Variants in DNAJB6 observed in about 807,000 individuals in gnomAD.
DNAJB6 encodes the protein dnaJ homolog subfamily B member 6.
DNAJB6 carries 16 observed loss-of-function variants against 42.7 expected under a neutral mutation model. The observed-to-expected ratio is 0.37, with a 90% CI of 0.25 to 0.57. The LOEUF is 0.57. Ranked by LOEUF, DNAJB6 falls within the 20% of genes least tolerant of loss-of-function variation. The pLI, the probability that DNAJB6 is intolerant of heterozygous loss-of-function variation, is 0.74. For missense variants in DNAJB6, 347 were observed against 416.8 expected (o/e 0.83, Z 1.46); for synonymous variants, 170 against 163.5 (o/e 1.04, Z -0.30).
chr7:157,349,884 C>T (rs181027317), intron 1 of DNAJB6, among the ~76,000 whole-genome samples: 3 of 152,272 alleles, frequency 2.0e-5, no homozygotes, highest in Admixed American at 2.0e-4. Flanking sequence ...CTCAGGTGAT[C>T]TGTCCGCCTC....
chr7:157,373,237 C>T (rs865923267), intron 5 of DNAJB6, among the ~76,000 whole-genome samples: 1 of 152,334 alleles, frequency 6.6e-6, no homozygotes, highest in Middle Eastern at 3.4e-3. Context: ...ATGATTCAAC[C>T]ACTTTAACAT....
chr7:157,395,084 AC>A (rs1346958381), intron 8 of DNAJB6, among the ~76,000 whole-genome samples: 6 of 149,554 alleles, frequency 4.0e-5, no homozygotes, highest in African/African-American at 1.3e-4. Flanking sequence ...ACAGAGCAAG[AC>A]CCTGTGCCCG....
intron 3 of DNAJB6, 51 bp downstream of exon 3, chr7:157,363,321 G>A (rs533773492): frequency 5.5e-6 from 7 of 1,275,606 alleles, no homozygotes; most frequent in South Asian, 1.3e-5. Context: ...GCCGGAATGC[G>A]GAGTGGGTGT....
At chr7:157,400,373 T>TACGCACTTGTAC (rs1554467481) in intron 8 of DNAJB6, among the ~76,000 whole-genome samples, 2 of 110,660 alleles carry the variant, frequency 1.8e-5, no homozygotes, top group African/African-American at 3.6e-5. Flanking sequence ...CACGCTCGTG[T>TACGCACTTGTAC]GTGGTGTGCC....
At position 157,363,058 on chromosome 7, in the gene DNAJB6, G is replaced by C. The variant is rs1799682360; in HGVS notation, c.66-103G>C. 23 of 699,044 alleles carry C rather than the reference G, an allele frequency of 3.3e-5. 1 individual carries two copies. In the East Asian group the frequency reaches 6.7e-4, roughly 20 times the overall value. 43.3% of individuals were successfully genotyped at this position (699,044 alleles called of 1,614,324 possible). ...GTTAAAACCAGTATTCATCTCACCA[G>C]TTGGCAGCTCTGAAGCCATTCTCGT... On this transcript the variant is annotated intron_variant, in intron 2 of 9. Coordinates refer to ENST00000262177, the MANE Select transcript of DNAJB6 (RefSeq NM_058246.4).
At chr7:157,348,785 C>T (rs541327112) in intron 1 of DNAJB6, among the ~76,000 whole-genome samples, 3 of 152,234 alleles carry the variant, frequency 2.0e-5, no homozygotes, top group African/African-American at 7.2e-5. Context: ...TGACTCCCTC[C>T]CCTCCCTCTT....
intron 1 of DNAJB6, among the ~76,000 whole-genome samples, chr7:157,345,854 C>G (rs1798656690): frequency 1.3e-5 from 2 of 152,068 alleles, no homozygotes; most frequent in African/African-American, 4.8e-5. Flanking sequence ...TGTGAGTGAT[C>G]TGCTGTAGAA....
chr7:157,359,691 T>G (rs1799481849), intron 2 of DNAJB6, among the ~76,000 whole-genome samples: 2 of 152,148 alleles, frequency 1.3e-5, no homozygotes, highest in African/African-American at 4.8e-5. Flanking sequence ...TGGTGGCACA[T>G]GCCTGTAGTC....
chr7:157,415,890 A>C, intron 9 of DNAJB6, 126 bp from the exon 10 acceptor site: 1 of 1,553,818 alleles, frequency 6.4e-7, no homozygotes, highest in Admixed American at 1.8e-5. Context: ...AGCTGTGGCC[A>C]AGATAGATGA....
intron 8 of DNAJB6, among the ~76,000 whole-genome samples, chr7:157,408,784 A>G (rs923995647): frequency 5.9e-5 from 9 of 152,228 alleles, no homozygotes; most frequent in Non-Finnish European, 8.8e-5. Flanking sequence ...ATGCATTTCA[A>G]TGGCTGAGTG....
intron 1 of DNAJB6, among the ~76,000 whole-genome samples, chr7:157,352,184 C>G (rs1480080385): frequency 6.6e-6 from 1 of 151,860 alleles, no homozygotes; most frequent in Non-Finnish European, 1.5e-5. Flanking sequence ...GAAAAATTAG[C>G]TAGGCGTGGT....
chr7:157,380,075 A>G (rs914022818), intron 5 of DNAJB6: 3 of 152,116 alleles, frequency 2.0e-5, no homozygotes, highest in South Asian at 2.1e-4. Context: ...CGGCCTCCCA[A>G]AGTACTGGGA....
chr7:157,388,453 CTG>C (rs1563141141), intron 8 of DNAJB6, among the ~76,000 whole-genome samples: 1 of 152,162 alleles, frequency 6.6e-6, no homozygotes, highest in African/African-American at 2.4e-5. Flanking sequence ...TTGAGCGCCT[CTG>C]AAAATAGGAA....
chr7:157,396,360 G>A (rs943985797), intron 8 of DNAJB6, among the ~76,000 whole-genome samples: 2 of 152,226 alleles, frequency 1.3e-5, no homozygotes, highest in Admixed American at 6.5e-5. Flanking sequence ...TCTTGAGGAC[G>A]CTTAGATGCC....
intron 2 of DNAJB6, 54 bp downstream of exon 2, chr7:157,358,691 T>G (rs1799431370): frequency 2.1e-6 from 3 of 1,396,240 alleles, no homozygotes; most frequent in Non-Finnish European, 2.0e-6. Flanking sequence ...CATTGGTAAT[T>G]GAGTAGTATA....
intron 9 of DNAJB6, chr7:157,415,149 C>A (rs1314630638): frequency 6.6e-6 from 1 of 152,308 alleles, no homozygotes; most frequent in Non-Finnish European, 1.5e-5. Context: ...CGGCCATGTT[C>A]CCTCTGCCCA....
intron 5 of DNAJB6, among the ~76,000 whole-genome samples, chr7:157,373,203 C>CT (rs978231017): frequency 1.3e-5 from 2 of 152,200 alleles, no homozygotes; most frequent in African/African-American, 4.8e-5. Context: ...GATTAGGACT[C>CT]TAATTTAATC....
rs773534306 is a variant in DNAJB6, at chr7:157,416,219, C to T, written c.*121C>T. The T allele has an allele frequency of 7.1e-5, 104 of 1,457,206 alleles. No homozygotes were observed. The highest frequency in any genetic ancestry group is 5.5e-4 in the East Asian group (22 of 40,214). The allele number at this position is 1,457,206 out of a possible 1,614,324, so 90.3% of individuals were successfully genotyped here. On this transcript the variant is annotated 3_prime_UTR_variant, in exon 10 of 10. Coordinates refer to ENST00000262177, the MANE Select transcript of DNAJB6 (RefSeq NM_058246.4). ...GGACTGTCTCGAGGCCACACTCGCT[C>T]GGCAGGATTATGCGATCACGGATCA...
rs1350865764 is a variant in DNAJB6 at position 157,360,604 on chromosome 7, T to TA, written c.65+1968dup. Among the ~76,000 whole-genome samples, 6 of 152,310 alleles carry TA rather than the reference T, an allele frequency of 3.9e-5. No individual in the cohort carries two copies. In the East Asian group the frequency reaches 9.6e-4, roughly 24 times the overall value. On this transcript the variant is annotated intron_variant, in intron 2 of 9. Transcript: ENST00000262177. ...GAAGTAGGAATTTAGAAAAGGCTGT[T>TA]ACCTTTAAAAGCAGTGAGATTTCCT...
Sources: allele counts gnomAD v4.1 joint callset (sites outside exome capture counted in the v4.1 genomes callset), GRCh38; gene constraint gnomAD v4.1.1; transcripts MANE v1.5; gene names NCBI Gene and HGNC (gene_info 2026-07-23, HGNC 2026-07-21).